ABCB5: variants seen among roughly 807,000 people sequenced by gnomAD.
ABCB5 encodes ATP-binding cassette sub-family B member 5.
ABCB5 carries 155 observed loss-of-function variants against 144.2 expected under a neutral mutation model. The observed-to-expected ratio is 1.08, with a 90% CI of 0.94 to 1.23. The LOEUF (loss-of-function observed/expected upper bound fraction) is 1.23, where lower values mean the gene tolerates loss of function less well. ABCB5 is among the 50% of genes most tolerant of loss of function. The probability of loss-of-function intolerance (pLI) is 0.00; values close to 1 mark genes in which losing one functional copy is unlikely to be tolerated. For synonymous variants in ABCB5, 610 were observed against 528.6 expected (o/e 1.15, Z -2.11); for missense variants, 1,830 against 1,520.8 (o/e 1.20, Z -3.38).
intron 23 of ABCB5, among the ~76,000 whole-genome samples, chr7:20,731,363 A>AT (rs1258144138): frequency 3.2e-3 from 280 of 88,030 alleles, no homozygotes; most frequent in Non-Finnish European, 3.1e-3. Flanking sequence ...AGGAAAAAAA[A>AT]AAAAAAATAT....
intron 14 of ABCB5, chr7:20,667,314 T>C (rs1048580268): frequency 3.0e-6 from 3 of 984,816 alleles, no homozygotes; most frequent in Non-Finnish European, 2.4e-6. Context: ...AGAAGAGATA[T>C]ATATTAAAAC....
At chr7:20,646,783 T>G (rs1721144038) in intron 9 of ABCB5, among the ~76,000 whole-genome samples, 1 of 152,232 alleles carries the variant, frequency 6.6e-6, no homozygotes. Flanking sequence ...GTTTGGCCTT[T>G]CCATTCTTAC....
intron 14 of ABCB5, among the ~76,000 whole-genome samples, chr7:20,680,044 G>GT (rs1785738195): frequency 6.6e-6 from 1 of 152,138 alleles, no homozygotes; most frequent in African/African-American, 2.4e-5. Context: ...ATAAGTTGTG[G>GT]TATAGTCACG....
At chr7:20,632,640 A>G (rs1350148599) in intron 5 of ABCB5, among the ~76,000 whole-genome samples, 1 of 152,184 alleles carries the variant, frequency 6.6e-6, no homozygotes, top group African/African-American at 2.4e-5. Context: ...GACTGGATTA[A>G]GAGAATGTGG....
chr7:20,626,668 A>C (rs1783916317), intron 3 of ABCB5, 57 bp downstream of exon 3: 1 of 1,363,056 alleles, frequency 7.3e-7, no homozygotes, highest in Non-Finnish European at 1.0e-6. Context: ...ACTTGTCAGT[A>C]GTGCATAGAA....
chr7:20,670,277 G>A, intron 14 of ABCB5, among the ~76,000 whole-genome samples: 1 of 151,898 alleles, frequency 6.6e-6, no homozygotes, highest in East Asian at 1.9e-4. Flanking sequence ...AGTAGTTGTG[G>A]CAAATGCATC....
chr7:20,630,679 A>G (rs1014957670), intron 4 of ABCB5, among the ~76,000 whole-genome samples: 1 of 152,198 alleles, frequency 6.6e-6, no homozygotes, highest in Non-Finnish European at 1.5e-5. Flanking sequence ...TGTCTACTAC[A>G]TCTCCATGAA....
chr7:20,732,305 G>C (rs1782245846), intron 23 of ABCB5, among the ~76,000 whole-genome samples: 1 of 152,080 alleles, frequency 6.6e-6, no homozygotes, highest in African/African-American at 2.4e-5. Flanking sequence ...GTCCAAAGTA[G>C]TTCCCCTAAC....
intron 20 of ABCB5, among the ~76,000 whole-genome samples, chr7:20,706,673 T>G (rs1438583832): frequency 6.6e-6 from 1 of 152,158 alleles, no homozygotes; most frequent in African/African-American, 2.4e-5. Context: ...GGAATCCTGA[T>G]GAAAGATTTT....
At chr7:20,735,293 A>C (rs907696663) in intron 23 of ABCB5, among the ~76,000 whole-genome samples, 4 of 152,340 alleles carry the variant, frequency 2.6e-5, no homozygotes, top group Non-Finnish European at 4.4e-5. Flanking sequence ...ATTTCCAATA[A>C]TAATGTGATT....
chr7:20,711,159 T>G (rs1307578209), intron 20 of ABCB5, among the ~76,000 whole-genome samples: 1 of 149,724 alleles, frequency 6.7e-6, no homozygotes, highest in Non-Finnish European at 1.5e-5. Flanking sequence ...TGTAATTATT[T>G]TTGCTTAACA....
At chr7:20,675,571 G>A (rs1289392136) in intron 14 of ABCB5, among the ~76,000 whole-genome samples, 10 of 152,174 alleles carry the variant, frequency 6.6e-5, no homozygotes, top group African/African-American at 2.2e-4. Context: ...AGTAAACGTA[G>A]TGGGAAAGCT....
In ABCB5 at chr7:20,692,954, T is replaced by C. The variant is rs1786284080; in HGVS notation, c.2011-5453T>C. On this transcript the variant is annotated intron_variant, in intron 16 of 27. Coordinates refer to ENST00000404938, the MANE Select transcript of ABCB5 (RefSeq NM_001163941.2). The stretch of plus-strand genomic sequence containing the variant: ...ATTTCAACACCCTTCTACTAAATCT[T>C]AGTAGAACAAGTAAATAGAAATTCG... 2.6e-5 allele frequency among the ~76,000 whole-genome samples: 4 copies of C among 152,180 alleles called. No homozygotes were observed. The South Asian group carries it at 8.3e-4, about 31-fold the overall frequency.
chr7:20,737,332 T>C (rs563395265), intron 23 of ABCB5, among the ~76,000 whole-genome samples: 4 of 152,272 alleles, frequency 2.6e-5, no homozygotes, highest in African/African-American at 4.8e-5. Context: ...TCAGGGCTTT[T>C]GCTTGTACTC....
At chr7:20,666,628 G>A (rs1198954920) in intron 14 of ABCB5, 9 of 1,191,044 alleles carry the variant, frequency 7.6e-6, no homozygotes, top group Non-Finnish European at 9.0e-6. Flanking sequence ...TCAGCAAAGT[G>A]TCAAGTAGAG....
rs750492137 is a variant in ABCB5 at position 20,698,549 on chromosome 7, C to T, written c.2153C>T (p.Thr718Ile). The T allele has an allele frequency of 6.3e-7, 1 of 1,586,994 alleles. No individual in the cohort carries two copies. Among genetic ancestry groups the T allele is most frequent in the Non-Finnish European group, 8.5e-7 (1 of 1,172,020 alleles). Reference sequence around the variant, plus strand: ...TCCATCATCTTTGCAAAAATTATAACCGTAAGTAAAATAAATTTGCTAATA... The same window carrying T: ...TCCATCATCTTTGCAAAAATTATAATCGTAAGTAAAATAAATTTGCTAATA... ...VFSIIFAKII[T>I]MFGNNDKTTL... is the part of the protein sequence containing the mutation. The change falls in exon 17 of 28, where the codon ACC (threonine) becomes ATC (isoleucine). Residue 718 changes from threonine to isoleucine, a missense_variant and splice_region_variant. Coordinates refer to ENST00000404938, the MANE Select transcript of ABCB5 (RefSeq NM_001163941.2).
rs998377585 is a variant in ABCB5 at position 20,680,580 on chromosome 7, A to C, written c.1708-925A>C. Among the ~76,000 whole-genome samples the C allele has an allele frequency of 5.3e-4, 80 of 151,740 alleles. 1 individual carries two copies. Among genetic ancestry groups the C allele is most frequent in the Non-Finnish European group, 7.9e-4 (54 of 67,930 alleles). On this transcript the variant is annotated intron_variant, in intron 14 of 27. Coordinates refer to ENST00000404938, the MANE Select transcript of ABCB5 (RefSeq NM_001163941.2). ...GCCAGACTCCGTCTCAAAAAAAAAA[A>C]AAAAAACCGACTGACTTGAAAAGAG... is the stretch of plus-strand genomic sequence containing the variant.
intron 14 of ABCB5, among the ~76,000 whole-genome samples, chr7:20,672,564 T>A (rs1259540546): frequency 6.6e-6 from 1 of 152,146 alleles, no homozygotes; most frequent in African/African-American, 2.4e-5. Flanking sequence ...GAACTTAAAG[T>A]AAAATAAAAT....
chr7:20,746,901 A>G (rs1462296957), intron 26 of ABCB5, among the ~76,000 whole-genome samples: 1 of 152,224 alleles, frequency 6.6e-6, no homozygotes, highest in Non-Finnish European at 1.5e-5. Flanking sequence ...AGATAGTTAA[A>G]TTTAACAACC....
Sources: gnomAD v4.1 joint callset for allele counts (sites outside exome capture counted in the v4.1 genomes callset) on GRCh38, gnomAD v4.1.1 for gene constraint, MANE v1.5 for transcripts, NCBI Gene and HGNC (gene_info 2026-07-23, HGNC 2026-07-21) for gene names.